SPON1: variants seen among roughly 807,000 people sequenced by gnomAD.
SPON1 encodes the protein spondin 1, also known as spondin-1.
SPON1 carries 52 observed loss-of-function variants against 111.7 expected under a neutral mutation model. The ratio of observed to expected loss-of-function variants is 0.47; its 90% CI spans 0.37 to 0.59. The LOEUF (loss-of-function observed/expected upper bound fraction) is 0.59. Among genes scored for constraint, SPON1 ranks in the 20% least tolerant of loss-of-function variants. SPON1 has a pLI of 0.00. For synonymous variants in SPON1, 410 were observed against 395.8 expected (o/e 1.04, Z -0.43); for missense variants, 957 against 1,068.5 (o/e 0.90, Z 1.46).
At chr11:14,142,822 AG>A (rs1847671784) in intron 6 of SPON1, among the ~76,000 whole-genome samples, 1 of 152,260 alleles carries the variant, frequency 6.6e-6, no homozygotes, top group Admixed American at 6.5e-5. Context: ...GAAAGAAAGT[AG>A]GACACATGAG....
intron 6 of SPON1, among the ~76,000 whole-genome samples, chr11:14,216,604 C>A (rs1479093910): frequency 6.6e-6 from 1 of 152,096 alleles, no homozygotes; most frequent in Non-Finnish European, 1.5e-5. Flanking sequence ...TGAGGAAGGT[C>A]ATCCCATGGC....
At chr11:14,238,697 T>TA (rs1236559846) in intron 6 of SPON1, among the ~76,000 whole-genome samples, 2 of 152,184 alleles carry the variant, frequency 1.3e-5, no homozygotes, top group African/African-American at 4.8e-5. Flanking sequence ...CATGGCCTGT[T>TA]AGGGGATATG....
chr11:13,975,172 T>TC (rs375788204), intron 1 of SPON1, among the ~76,000 whole-genome samples: 48 of 151,954 alleles, frequency 3.2e-4, no homozygotes, highest in South Asian at 1.3e-3. Flanking sequence ...CTATATTTTT[T>TC]CCCCCAGGTA....
intron 2 of SPON1, among the ~76,000 whole-genome samples, chr11:14,018,127 T>G (rs1373316035): frequency 6.6e-6 from 1 of 152,190 alleles, no homozygotes; most frequent in African/African-American, 2.4e-5. Context: ...AGTCTTTGGG[T>G]CTTGTTGCGA....
intron 5 of SPON1, among the ~76,000 whole-genome samples, chr11:14,116,932 C>T (rs1387443690): frequency 6.6e-6 from 1 of 152,074 alleles, no homozygotes; most frequent in Non-Finnish European, 1.5e-5. Flanking sequence ...TTCACTTTTT[C>T]ATGAGATTTA....
chr11:14,217,066 G>A (rs116432580), intron 6 of SPON1, among the ~76,000 whole-genome samples: 111 of 152,302 alleles, frequency 7.3e-4, no homozygotes, highest in African/African-American at 2.4e-3. Context: ...GGTGGCGTGC[G>A]TCATAGGTGT....
chr11:14,015,165 A>G (rs943106500), intron 2 of SPON1, among the ~76,000 whole-genome samples: 2 of 152,250 alleles, frequency 1.3e-5, no homozygotes, highest in African/African-American at 4.8e-5. Flanking sequence ...GTCATAGTCC[A>G]TTCATGCTGC....
chr11:14,039,607 A>T (rs782125548), intron 2 of SPON1, among the ~76,000 whole-genome samples: 4 of 152,158 alleles, frequency 2.6e-5, no homozygotes, highest in Non-Finnish European at 5.9e-5. Context: ...TGGATTGAAG[A>T]CCTAAATGTG....
intron 1 of SPON1, among the ~76,000 whole-genome samples, chr11:13,968,869 A>G (rs1241583287): frequency 3.3e-5 from 5 of 152,232 alleles, no homozygotes; most frequent in Admixed American, 2.0e-4. Flanking sequence ...GCTGGGAAAT[A>G]TAGCATTTAG....
intron 2 of SPON1, among the ~76,000 whole-genome samples, chr11:14,005,540 C>G (rs1848352584): frequency 6.6e-6 from 1 of 152,134 alleles, no homozygotes; most frequent in Non-Finnish European, 1.5e-5. Context: ...AGACCCTGGG[C>G]TAAATTAAGG....
intron 6 of SPON1, among the ~76,000 whole-genome samples, chr11:14,237,763 A>G (rs1554939337): frequency 6.6e-6 from 1 of 152,234 alleles, no homozygotes; most frequent in African/African-American, 2.4e-5. Context: ...CGGTCGTCAG[A>G]ACAGCAGTAA....
intron 2 of SPON1, among the ~76,000 whole-genome samples, chr11:13,984,787 T>C (rs1364925563): frequency 6.6e-6 from 1 of 152,208 alleles, no homozygotes; most frequent in African/African-American, 2.4e-5. Flanking sequence ...TTGCAACTGA[T>C]TGGTGAATAC....
rs566074617 is a variant in SPON1, at chr11:14,120,381, C to G, written c.677-15039C>G. Among the ~76,000 whole-genome samples, 4 of 152,208 alleles carry G rather than the reference C, an allele frequency of 2.6e-5. No individual in the cohort carries two copies. In the South Asian group the frequency reaches 8.3e-4, roughly 32 times the overall value. The stretch of plus-strand genomic sequence containing the variant: ...AATATGGCCATGCCCATATACCTCC[C>G]AGTCTCCAAACAGGGATGTTGCTTT... On this transcript the variant is annotated intron_variant, in intron 5 of 15. Transcript: ENST00000576479.
At chr11:14,035,614 CTTT>C (rs57790720) in intron 2 of SPON1, among the ~76,000 whole-genome samples, 8 of 132,262 alleles carry the variant, frequency 6.0e-5, no homozygotes, top group African/African-American at 8.8e-5. Context: ...ACACTTAGTT[CTTT>C]TTTTTTTTTT....
chr11:14,257,840 C>A lies in SPON1; in HGVS notation c.1434C>A (p.Val478=), dbSNP rs782007435. Residue 478 remains valine, a synonymous_variant, in exon 11 of 16, where the codon GTC becomes GTA. Transcript: ENST00000576479. ...RMLKAQLDLS[V]PCPDTQDFQP... is the part of the protein sequence containing the mutation. Reference sequence around the variant, plus strand: ...TGAAAGCACAGCTGGACCTCAGCGTCCCCTGCCCTGACACCCAGGACTTCC... The same window carrying A: ...TGAAAGCACAGCTGGACCTCAGCGTACCCTGCCCTGACACCCAGGACTTCC... 2 of 1,593,720 alleles carry A rather than the reference C, an allele frequency of 1.3e-6. No homozygotes were observed. The highest frequency in any genetic ancestry group is 2.3e-5 in the South Asian group (2 of 87,704).
rs148548972 is a variant in SPON1 at position 14,119,878 on chromosome 11, G to C, written c.677-15542G>C. On this transcript the variant is annotated intron_variant, in intron 5 of 15. Coordinates refer to ENST00000576479, the MANE Select transcript of SPON1 (RefSeq NM_006108.4). ...GTACTGTCCAGTACAGTAGCCACTCGATACACTTAAATTGATTAGTTTATT... is the reference window on the plus strand; with the variant it reads ...GTACTGTCCAGTACAGTAGCCACTCCATACACTTAAATTGATTAGTTTATT... Among the ~76,000 whole-genome samples the C allele has an allele frequency of 3.2e-4, 49 of 152,226 alleles. 1 individual carries two copies. Among genetic ancestry groups the C allele is most frequent in the African/African-American group, 1.1e-3 (46 of 41,530 alleles).
chr11:14,088,001 C>CT (rs1172683083), intron 5 of SPON1, among the ~76,000 whole-genome samples: 15 of 151,976 alleles, frequency 9.9e-5, no homozygotes, highest in Admixed American at 4.6e-4. Context: ...TCCTCCATCC[C>CT]TTTTTTTTGA....
intron 6 of SPON1, among the ~76,000 whole-genome samples, chr11:14,201,226 G>C (rs1166363155): frequency 2.0e-5 from 3 of 151,854 alleles, no homozygotes; most frequent in African/African-American, 7.3e-5. Flanking sequence ...TGTAGTCCCA[G>C]CTACTTGGGA....
At chr11:14,245,449 A>G (rs1848978595) in intron 7 of SPON1, among the ~76,000 whole-genome samples, 1 of 152,178 alleles carries the variant, frequency 6.6e-6, no homozygotes, top group African/African-American at 2.4e-5. Flanking sequence ...CTGAATATAT[A>G]AAATATAATG....
Sources: gnomAD v4.1 joint callset for allele counts (sites outside exome capture counted in the v4.1 genomes callset) on GRCh38, gnomAD v4.1.1 for gene constraint, MANE v1.5 for transcripts, NCBI Gene and HGNC (gene_info 2026-07-23, HGNC 2026-07-21) for gene names.